The following ZFHX4 variants were observed in gnomAD, a reference collection of about 807,000 sequenced individuals.
The protein encoded by ZFHX4 is zinc finger homeobox 4.
In ZFHX4, 56 loss-of-function variants were observed where a neutral mutation model predicts 267.6. The observed-to-expected ratio is 0.21, with a 90% CI of 0.17 to 0.26. The LOEUF (loss-of-function observed/expected upper bound fraction) is 0.26, where lower values mean the gene tolerates loss of function less well. Ranked by LOEUF, ZFHX4 falls within the 10% of genes least tolerant of loss-of-function variation. The probability of loss-of-function intolerance (pLI) is 1.00; values close to 1 mark genes in which losing one functional copy is unlikely to be tolerated. For missense variants in ZFHX4, 4,332 were observed against 4,420.0 expected, an observed-to-expected ratio of 0.98 and a Z score of 0.56; for synonymous variants, 1,778 against 1,665.6, an observed-to-expected ratio of 1.07 and a Z score of -1.64.
chr8:76,864,582 C>T lies in ZFHX4; in HGVS notation c.*17C>T. 1 of 1,411,130 alleles carries T rather than the reference C, an allele frequency of 7.1e-7. No individual in the cohort carries two copies. Among genetic ancestry groups the T allele is most frequent in the Admixed American group, 2.8e-5 (1 of 35,512 alleles). The allele number at this position is 1,411,130 out of a possible 1,614,324, so 87.4% of individuals were successfully genotyped here. A position where few individuals can be genotyped will look rare whatever the true frequency, so the allele number is the denominator to read the frequency against. On this transcript the variant is annotated 3_prime_UTR_variant, in exon 11 of 11. Transcript: ENST00000651372. ...AGTGTGTAGGAGTGAAGACAGGATCCCGTGCTTAAAAAAATAAAAAATAAA... is the reference window on the plus strand; with the variant it reads ...AGTGTGTAGGAGTGAAGACAGGATCTCGTGCTTAAAAAAATAAAAAATAAA...
intron 3 of ZFHX4, among the ~76,000 whole-genome samples, chr8:76,741,791 C>T (rs1471778740): frequency 1.3e-5 from 2 of 151,958 alleles, no homozygotes; most frequent in Non-Finnish European, 2.9e-5. Context: ...CACTTTTTTT[C>T]AGAATGTGTA....
intron 3 of ZFHX4, among the ~76,000 whole-genome samples, chr8:76,768,854 G>T (rs539101846): frequency 2.6e-5 from 4 of 152,268 alleles, no homozygotes; most frequent in African/African-American, 7.2e-5. Context: ...GATATCAAAA[G>T]ATGAGGCGAG....
chr8:76,683,714 T>C (rs912055453), intron 1 of ZFHX4: 1 of 151,058 alleles, frequency 6.6e-6, no homozygotes, highest in African/African-American at 2.4e-5. Flanking sequence ...TTTTTTTTTT[T>C]TTATTGTGTT....
At chr8:76,687,677 C>T (rs1470642182) in intron 1 of ZFHX4, among the ~76,000 whole-genome samples, 1 of 151,966 alleles carries the variant, frequency 6.6e-6, no homozygotes, top group Non-Finnish European at 1.5e-5. Flanking sequence ...CTAAGAATGC[C>T]TCTACTAATA....
chr8:76,857,291 T>C (rs1812755778), intron 10 of ZFHX4, among the ~76,000 whole-genome samples: 3 of 150,868 alleles, frequency 2.0e-5, no homozygotes. Flanking sequence ...AAATTATCAA[T>C]GATTTTTTTC....
intron 4 of ZFHX4, among the ~76,000 whole-genome samples, chr8:76,800,426 G>T (rs139222089): frequency 6.6e-6 from 1 of 152,138 alleles, no homozygotes; most frequent in East Asian, 1.9e-4. Context: ...CGAACTGAAA[G>T]GTTCATTACA....
At chr8:76,742,641 C>T (rs1251332343) in intron 3 of ZFHX4, among the ~76,000 whole-genome samples, 3 of 152,288 alleles carry the variant, frequency 2.0e-5, no homozygotes, top group East Asian at 3.9e-4. Context: ...ATGTCTTCTG[C>T]AATGCATGTT....
Position 76,849,692 on chromosome 8 carries a change from G to A in ZFHX4, c.3826G>A (p.Val1276Met). The A allele has an allele frequency of 6.2e-7, 1 of 1,613,848 alleles. No individual in the cohort carries two copies. The stretch of plus-strand genomic sequence containing the variant: ...TTTGCACAGTGTGTCTCCAGACTGT[G>A]TGGAGAAGCTGCTTATGACAGTAAG... ...THLHSVSPDCVEKLLMTVPVP... is the reference protein window; with the variant it reads ...THLHSVSPDCMEKLLMTVPVP... Residue 1276 changes from valine (V) to methionine (M), a missense_variant, in exon 8 of 11, where the codon GTG becomes ATG. This residue lies in a region of ZFHX4 where 1,371 missense variants were observed against 1,423.1 expected (regional missense o/e 0.96). Transcript: ENST00000651372.
At chr8:76,819,741 G>T (rs1811599031) in intron 4 of ZFHX4, among the ~76,000 whole-genome samples, 1 of 152,196 alleles carries the variant, frequency 6.6e-6, no homozygotes, top group South Asian at 2.1e-4. Flanking sequence ...AATGAAAACT[G>T]ATTCTCCAAT....
At chr8:76,808,367 T>G (rs1563534291) in intron 4 of ZFHX4, among the ~76,000 whole-genome samples, 1 of 152,160 alleles carries the variant, frequency 6.6e-6, no homozygotes, top group African/African-American at 2.4e-5. Context: ...TAAGGTTGAC[T>G]TACCTTTTCC....
In ZFHX4 at chr8:76,705,342, C is replaced by T. The variant is rs773293556; in HGVS notation, c.1254C>T (p.Thr418=). Residue 418 remains threonine, a synonymous_variant, in exon 2 of 11, where the codon ACC becomes ACT. Coordinates refer to ENST00000651372, the MANE Select transcript of ZFHX4 (RefSeq NM_024721.5). The stretch of plus-strand genomic sequence containing the variant: ...GGCTGTCTAGTTTAGTAGTGAACAC[C>T]CCAATTACCTCTGTCTCCCTCAGCC... ...LGGLSSLVVN[T]PITSVSLSHS... 2.5e-6 allele frequency: 4 copies of T among 1,613,898 alleles called. No homozygotes were observed. The South Asian group carries it at 3.3e-5, about 13-fold the overall frequency.
In ZFHX4 at chr8:76,854,381, C is replaced by T; in HGVS notation, c.7460C>T (p.Pro2487Leu). 6.2e-7 allele frequency: 1 copy of T among 1,613,944 alleles called. No individual in the cohort carries two copies. Among genetic ancestry groups the T allele is most frequent in the Non-Finnish European group, 8.5e-7 (1 of 1,179,874 alleles). Residue 2487 changes from proline to leucine, a missense_variant, in exon 10 of 11, where the codon CCT becomes CTT. This residue lies in a region of ZFHX4 where 1,648 missense variants were observed against 1,625.0 expected (regional missense o/e 1.01). Transcript: ENST00000651372. ...ATGACGTCTCTCCAGAACAGTCTAC[C>T]TCCACAGTTACTACAATACCAATGT... ...ISMTSLQNSLPPQLLQYQCDQ... is the reference protein window; with the variant it reads ...ISMTSLQNSLLPQLLQYQCDQ...
intron 4 of ZFHX4, among the ~76,000 whole-genome samples, chr8:76,797,638 A>G (rs369519927): frequency 6.6e-6 from 1 of 152,310 alleles, no homozygotes. Context: ...TCTGCTGAAC[A>G]AGGTATAGAA....
In ZFHX4 at chr8:76,854,057, C is replaced by T; in HGVS notation, c.7136C>T (p.Pro2379Leu). ...GATGCAGCTAAAAACGCTGCTGCCC[C>T]TGCAGCAAGTTCTGGCTCTGGGACC... ...QTDAAKNAAA[P>L]AASSGSGTST... The change falls in exon 10 of 11, where the codon CCT becomes CTT. Residue 2379 changes from proline to leucine, a missense_variant. Around this residue, in one of 7 missense-constraint regions of ZFHX4, gnomAD observed 1,648 missense variants for 1,625.0 expected, o/e 1.01. Coordinates refer to ENST00000651372, the MANE Select transcript of ZFHX4 (RefSeq NM_024721.5). The T allele has an allele frequency of 1.9e-6, 3 of 1,613,946 alleles. No homozygotes were observed. The highest frequency in any genetic ancestry group is 2.5e-6 in the Non-Finnish European group (3 of 1,179,866).
At chr8:76,728,361 C>T (rs932375860) in intron 3 of ZFHX4, among the ~76,000 whole-genome samples, 2 of 152,142 alleles carry the variant, frequency 1.3e-5, no homozygotes, top group Non-Finnish European at 2.9e-5. Flanking sequence ...TGAAAATCTC[C>T]AAACCTCATT....
intron 5 of ZFHX4, among the ~76,000 whole-genome samples, chr8:76,838,784 G>A (rs1182446645): frequency 7.2e-5 from 11 of 152,050 alleles, no homozygotes; most frequent in Admixed American, 7.2e-4. Flanking sequence ...GGCCAGGCAC[G>A]GTGGCTCATG....
At chr8:76,795,820 T>C (rs1270319346) in intron 4 of ZFHX4, among the ~76,000 whole-genome samples, 1 of 152,144 alleles carries the variant, frequency 6.6e-6, no homozygotes, top group Non-Finnish European at 1.5e-5. Flanking sequence ...AGTCACTGTC[T>C]TCCAAGTTGC....
chr8:76,810,607 G>A (rs922369069), intron 4 of ZFHX4, among the ~76,000 whole-genome samples: 13 of 152,148 alleles, frequency 8.5e-5, no homozygotes, highest in Admixed American at 5.2e-4. Flanking sequence ...CGTTAGAAGG[G>A]TGTGTGTGAC....
At chr8:76,832,009 G>GT (rs1811947634) in intron 4 of ZFHX4, among the ~76,000 whole-genome samples, 4 of 145,030 alleles carry the variant, frequency 2.8e-5, no homozygotes, top group Admixed American at 2.1e-4. Context: ...TAGTGGGGGG[G>GT]GGCACTGAGT....
Sources: allele counts gnomAD v4.1 joint callset (sites outside exome capture counted in the v4.1 genomes callset), GRCh38; gene constraint gnomAD v4.1.1; regional missense constraint gnomAD v4.1.1; transcripts MANE v1.5; gene names NCBI Gene and HGNC (gene_info 2026-07-23, HGNC 2026-07-21).